The following AKR1E2 variants were observed in gnomAD, a reference collection of about 807,000 sequenced individuals.
AKR1E2 encodes 1,5-anhydro-D-fructose reductase.
In AKR1E2, 43 loss-of-function variants were observed where a neutral mutation model predicts 41.9. That is an observed-to-expected ratio of 1.03 (90% CI 0.80 to 1.32). AKR1E2 has a LOEUF of 1.32. Ranked by LOEUF, AKR1E2 falls within the 40% of genes most tolerant of loss-of-function variation. The probability of loss-of-function intolerance (pLI) is 0.00; values close to 1 mark genes in which losing one functional copy is unlikely to be tolerated. For missense variants in AKR1E2, 423 were observed against 396.5 expected, an observed-to-expected ratio of 1.07 and a Z score of -0.57; for synonymous variants, 121 against 138.9, an observed-to-expected ratio of 0.87 and a Z score of 0.91.
At chr10:4,828,898 C>A (rs531378248) in intron 1 of AKR1E2, among the ~76,000 whole-genome samples, 2 of 152,210 alleles carry the variant, frequency 1.3e-5, no homozygotes, top group Admixed American at 1.3e-4. Context: ...ATATTCATTA[C>A]ACTTCCAGCC....
chr10:4,840,262 C>T (rs1833767165), intron 6 of AKR1E2, among the ~76,000 whole-genome samples: 2 of 152,226 alleles, frequency 1.3e-5, no homozygotes, highest in African/African-American at 4.8e-5. Flanking sequence ...CATTCAGCCA[C>T]CTAAGCCAGA....
the AKR1E2 span, among the ~76,000 whole-genome samples, chr10:4,859,911 T>C: frequency 6.6e-6 from 1 of 152,204 alleles, no homozygotes; most frequent in Non-Finnish European, 1.5e-5. Flanking sequence ...TTGGCCCTCA[T>C]GGAGTTGACC....
the AKR1E2 span, among the ~76,000 whole-genome samples, chr10:4,861,617 C>T: frequency 2.6e-4 from 40 of 152,230 alleles, no homozygotes; most frequent in African/African-American, 9.1e-4. Flanking sequence ...GATCCTCCCG[C>T]CTCGGTCTCC....
intron 8 of AKR1E2, 30 bp downstream of exon 8, chr10:4,842,534 G>A: frequency 6.2e-7 from 1 of 1,602,096 alleles, no homozygotes; most frequent in Non-Finnish European, 8.5e-7. Context: ...TATTTGGCGG[G>A]TTTCAGATCA....
At chr10:4,861,760 C>T in the AKR1E2 span, among the ~76,000 whole-genome samples, 53 of 152,260 alleles carry the variant, frequency 3.5e-4, no homozygotes, top group African/African-American at 1.3e-3. Flanking sequence ...TTCCTTCACT[C>T]ACTTTTTGAT....
the AKR1E2 span, among the ~76,000 whole-genome samples, chr10:4,863,958 G>A: frequency 6.6e-6 from 1 of 152,088 alleles, no homozygotes; most frequent in Non-Finnish European, 1.5e-5. Flanking sequence ...CTGAAATTGA[G>A]GCAATAATTA....
chr10:4,849,473 G>T (rs959715482), downstream of AKR1E2, among the ~76,000 whole-genome samples: 2 of 152,250 alleles, frequency 1.3e-5, no homozygotes, highest in Non-Finnish European at 2.9e-5. Context: ...GTGTGTAGGT[G>T]TGTGACTTGT....
chr10:4,827,110 G>A (rs543338345), intron 1 of AKR1E2, among the ~76,000 whole-genome samples: 1 of 151,520 alleles, frequency 6.6e-6, no homozygotes, highest in South Asian at 2.1e-4. Flanking sequence ...AGGAAAATTG[G>A]AATTGCTGAT....
chr10:4,867,961 C>T, the AKR1E2 span, among the ~76,000 whole-genome samples: 1 of 152,150 alleles, frequency 6.6e-6, no homozygotes, highest in Non-Finnish European at 1.5e-5. Context: ...ATACTGCCCC[C>T]AGAGCAGGCA....
At chr10:4,851,641 ATGT>A (rs1426645024), downstream of AKR1E2, among the ~76,000 whole-genome samples, 1 of 152,242 alleles carries the variant, frequency 6.6e-6, no homozygotes, top group Non-Finnish European at 1.5e-5. Flanking sequence ...TTCTATAAGT[ATGT>A]TACAGGTTTT....
the AKR1E2 span, among the ~76,000 whole-genome samples, chr10:4,864,246 A>C: frequency 6.6e-6 from 1 of 152,170 alleles, no homozygotes; most frequent in Non-Finnish European, 1.5e-5. Context: ...GCAGCACATC[A>C]AAAAGCTTAT....
intron 3 of AKR1E2, 70 bp downstream of exon 3, chr10:4,833,536 C>A: frequency 1.5e-6 from 2 of 1,328,288 alleles, no homozygotes; most frequent in Non-Finnish European, 2.2e-6. Flanking sequence ...CCCTGTCTTG[C>A]GGTGGGGAGA....
intron 2 of AKR1E2, among the ~76,000 whole-genome samples, chr10:4,832,693 CGTTT>C (rs1249153177): frequency 4.6e-5 from 7 of 152,076 alleles, no homozygotes; most frequent in South Asian, 4.2e-4. Flanking sequence ...ATACTGTGCT[CGTTT>C]GTTTTCATTT....
intron 1 of AKR1E2, among the ~76,000 whole-genome samples, chr10:4,828,825 G>A (rs1195853161): frequency 6.6e-6 from 1 of 152,152 alleles, no homozygotes; most frequent in African/African-American, 2.4e-5. Flanking sequence ...GTTCTTGATA[G>A]TGTGTTATAC....
At chr10:4,830,528 T>C in intron 1 of AKR1E2, 147 bp from the exon 2 acceptor site, 10 of 758,242 alleles carry the variant, frequency 1.3e-5, no homozygotes, top group Non-Finnish European at 2.0e-5. Context: ...ATAACTGATA[T>C]TGCCTGTTTT....
At chr10:4,833,511 C>T (rs1206002338) in intron 3 of AKR1E2, 45 bp downstream of exon 3, 2 of 1,505,026 alleles carry the variant, frequency 1.3e-6, no homozygotes, top group Non-Finnish European at 1.8e-6. Flanking sequence ...CAGGACCTTC[C>T]TCCCCGTGCT....
the AKR1E2 span, among the ~76,000 whole-genome samples, chr10:4,859,732 A>AGAGGAAGACTGTC: frequency 6.6e-6 from 1 of 152,368 alleles, no homozygotes; most frequent in East Asian, 1.9e-4. Context: ...TAAGGTAAAA[A>AGAGGAAGACTGTC]GAGGAAGACT....
intron 1 of AKR1E2, among the ~76,000 whole-genome samples, chr10:4,827,420 CTG>C (rs972653009): frequency 7.0e-6 from 1 of 141,994 alleles, no homozygotes; most frequent in Non-Finnish European, 1.6e-5. Flanking sequence ...GCTGTGTCTC[CTG>C]TGTGTTTGAA....
At chr10:4,871,326 T>C in the AKR1E2 span, among the ~76,000 whole-genome samples, 2 of 152,188 alleles carry the variant, frequency 1.3e-5, no homozygotes, top group Non-Finnish European at 2.9e-5. Context: ...TTGCTTATCT[T>C]TATTTATTCA....
Sources: allele counts gnomAD v4.1 joint callset (sites outside exome capture counted in the v4.1 genomes callset), GRCh38; gene constraint gnomAD v4.1.1; transcripts MANE v1.5; gene names NCBI Gene and HGNC (gene_info 2026-07-23, HGNC 2026-07-21).